Variants in PCDH15 observed in about 807,000 individuals in gnomAD.
The protein encoded by PCDH15 is protocadherin related 15.
A neutral mutation model predicts 178.5 loss-of-function variants in PCDH15; 129 were observed. The ratio of observed to expected loss-of-function variants is 0.72; its 90% CI spans 0.63 to 0.84. The LOEUF (loss-of-function observed/expected upper bound fraction) is 0.84. Ranked by LOEUF, PCDH15 falls within the 40% of genes least tolerant of loss-of-function variation. The pLI is 0.00. For synonymous variants in PCDH15, 800 were observed against 732.0 expected, an observed-to-expected ratio of 1.09 and a Z score of -1.50; for missense variants, 2,230 against 2,099.9, an observed-to-expected ratio of 1.06 and a Z score of -1.21.
intron 29 of PCDH15, among the ~76,000 whole-genome samples, chr10:53,833,969 G>GTA (rs1379120104): frequency 1.3e-5 from 2 of 152,086 alleles, no homozygotes; most frequent in Non-Finnish European, 2.9e-5. Flanking sequence ...ATTAGGCACA[G>GTA]TAAGATATTA....
upstream of PCDH15, among the ~76,000 whole-genome samples, chr10:55,322,282 G>A (rs971420597): frequency 9.2e-5 from 14 of 152,186 alleles, no homozygotes; most frequent in African/African-American, 2.9e-4. Flanking sequence ...CAGCCATGTG[G>A]AACTGTAAGT....
chr10:55,063,538 T>A (rs1015723825), intron 2 of PCDH15, among the ~76,000 whole-genome samples: 2 of 152,136 alleles, frequency 1.3e-5, no homozygotes, highest in Non-Finnish European at 2.9e-5. Context: ...AGAATTACCA[T>A]CTTTATCTGT....
chr10:55,174,127 G>A (rs1426585862), intron 1 of PCDH15, among the ~76,000 whole-genome samples: 7 of 152,116 alleles, frequency 4.6e-5, no homozygotes, highest in Non-Finnish European at 8.8e-5. Flanking sequence ...ACCATGACAT[G>A]AAATCGATTT....
intron 2 of PCDH15, among the ~76,000 whole-genome samples, chr10:55,547,595 A>C (rs796104726): frequency 2.3e-4 from 35 of 151,364 alleles, no homozygotes; most frequent in African/African-American, 8.0e-4. Context: ...AAAAACAAAC[A>C]AAAAAACATT....
At chr10:55,414,785 GTGTGTGTGTGTGTGTGTGTC>G (rs1030534865) in intron 2 of PCDH15, among the ~76,000 whole-genome samples, 9 of 150,750 alleles carry the variant, frequency 6.0e-5, no homozygotes, top group African/African-American at 1.9e-4. Flanking sequence ...GTGTGTGTGT[GTGTGTGTGTGTGTGTGTGTC>G]TGTGTGTGTG....
chr10:54,910,296 G>A (rs1299105112), intron 2 of PCDH15, among the ~76,000 whole-genome samples: 1 of 152,166 alleles, frequency 6.6e-6, no homozygotes, highest in Non-Finnish European at 1.5e-5. Flanking sequence ...ACCAAGTGGG[G>A]AGAGTTATAT....
chr10:54,162,404 A>T (rs2045807952), intron 13 of PCDH15, among the ~76,000 whole-genome samples: 1 of 152,208 alleles, frequency 6.6e-6, no homozygotes, highest in Non-Finnish European at 1.5e-5. Context: ...GAAGAAAAGC[A>T]GAATGTAATC....
At chr10:53,959,893 G>GTTC (rs1564864161) in intron 22 of PCDH15, 49 bp from the exon 23 acceptor site, 1 of 1,331,090 alleles carries the variant, frequency 7.5e-7, no homozygotes, top group African/African-American at 1.4e-5. Flanking sequence ...TAAGAACAGC[G>GTTC]TAACAGCACA....
chr10:55,059,716 G>A (rs1424160721), intron 2 of PCDH15, among the ~76,000 whole-genome samples: 1 of 152,034 alleles, frequency 6.6e-6, no homozygotes, highest in Non-Finnish European at 1.5e-5. Flanking sequence ...ATCTATATTT[G>A]AGAGAGATGT....
At chr10:55,614,520 G>A (rs550432860) in intron 2 of PCDH15, among the ~76,000 whole-genome samples, 3 of 152,170 alleles carry the variant, frequency 2.0e-5, no homozygotes, top group South Asian at 4.2e-4. Context: ...TTGTTAGACC[G>A]TTTCATTTTA....
intron 2 of PCDH15, among the ~76,000 whole-genome samples, chr10:55,154,042 G>A (rs541225436): frequency 7.9e-5 from 12 of 152,166 alleles, no homozygotes; most frequent in Admixed American, 4.6e-4. Flanking sequence ...CCATGTACAC[G>A]TTCATTAAAT....
intron 2 of PCDH15, among the ~76,000 whole-genome samples, chr10:55,027,364 T>A (rs1014964959): frequency 1.3e-5 from 2 of 151,748 alleles, no homozygotes; most frequent in African/African-American, 2.4e-5. Context: ...CTGTCTAGAT[T>A]TAAAGATATC....
chr10:54,769,077 A>G (rs1313187034), intron 1 of PCDH15, among the ~76,000 whole-genome samples: 1 of 152,178 alleles, frequency 6.6e-6, no homozygotes, highest in African/African-American at 2.4e-5. Flanking sequence ...AAAACAGATG[A>G]AATTTTTGTA....
At chr10:54,537,439 C>G (rs978055638) in intron 2 of PCDH15, among the ~76,000 whole-genome samples, 1 of 152,126 alleles carries the variant, frequency 6.6e-6, no homozygotes, top group African/African-American at 2.4e-5. Context: ...CAGCATCACC[C>G]TGATACCAAA....
intron 1 of PCDH15, among the ~76,000 whole-genome samples, chr10:54,704,718 T>G (rs2095348309): frequency 6.6e-6 from 1 of 152,132 alleles, no homozygotes; most frequent in South Asian, 2.1e-4. Context: ...ACTTATACCT[T>G]GCTGGTGGGA....
intron 5 of PCDH15, among the ~76,000 whole-genome samples, chr10:54,354,174 G>A (rs1284743127): frequency 2.6e-5 from 4 of 152,042 alleles, no homozygotes; most frequent in African/African-American, 4.8e-5. Flanking sequence ...TAGTAGAGAC[G>A]TGGTTTCTCC....
At chr10:54,746,914 T>G (rs568038571) in intron 1 of PCDH15, among the ~76,000 whole-genome samples, 3 of 152,284 alleles carry the variant, frequency 2.0e-5, no homozygotes, top group Admixed American at 6.5e-5. Flanking sequence ...AACTTACAAT[T>G]TTTTGACTTT....
intron 2 of PCDH15, among the ~76,000 whole-genome samples, chr10:54,983,111 C>T (rs187767476): frequency 1.7e-3 from 260 of 152,164 alleles, no homozygotes; most frequent in African/African-American, 5.9e-3. Flanking sequence ...ACAAACACTA[C>T]CAATGAAAAG....
intron 5 of PCDH15, among the ~76,000 whole-genome samples, chr10:54,361,649 A>T (rs924308753): frequency 2.6e-5 from 4 of 152,026 alleles, no homozygotes; most frequent in African/African-American, 7.2e-5. Context: ...ATGCTGTGTG[A>T]CTCAATAGAT....
Sources: gnomAD v4.1 joint callset for allele counts (sites outside exome capture counted in the v4.1 genomes callset) on GRCh38, gnomAD v4.1.1 for gene constraint, MANE v1.5 for transcripts, NCBI Gene and HGNC (gene_info 2026-07-23, HGNC 2026-07-21) for gene names.